Variants in GRID2 observed in about 807,000 individuals in gnomAD.
The protein encoded by GRID2 is glutamate receptor ionotropic, delta-2.
Under a neutral mutation model 114.8 loss-of-function variants are expected in GRID2, and 33 were observed. The ratio of observed to expected loss-of-function variants is 0.29; its 90% CI spans 0.22 to 0.38. The LOEUF (loss-of-function observed/expected upper bound fraction) is 0.38. Ranked by LOEUF, GRID2 falls within the 10% of genes least tolerant of loss-of-function variation. The probability of loss-of-function intolerance (pLI) is 1.00; values close to 1 mark genes in which losing one functional copy is unlikely to be tolerated. For synonymous variants in GRID2, 505 were observed against 449.9 expected, an observed-to-expected ratio of 1.12 and a Z score of -1.55; for missense variants, 1,184 against 1,257.7, an observed-to-expected ratio of 0.94 and a Z score of 0.89.
At chr4:92,695,742 T>A (rs1734397109) in intron 2 of GRID2, among the ~76,000 whole-genome samples, 1 of 152,164 alleles carries the variant, frequency 6.6e-6, no homozygotes, top group African/African-American at 2.4e-5. Context: ...TAGCTTACTT[T>A]TCTTTCACGT....
At chr4:92,455,602 A>G (rs1721174542) in intron 1 of GRID2, among the ~76,000 whole-genome samples, 1 of 152,056 alleles carries the variant, frequency 6.6e-6, no homozygotes, top group Non-Finnish European at 1.5e-5. Flanking sequence ...AGAAACATGG[A>G]AGAATGCTCT....
intron 2 of GRID2, among the ~76,000 whole-genome samples, chr4:93,063,422 C>T (rs1008353240): frequency 2.6e-5 from 4 of 151,824 alleles, no homozygotes; most frequent in African/African-American, 4.8e-5. Context: ...AGTATTTACT[C>T]AGGGCAGCAA....
chr4:92,335,561 G>A (rs1020456060), intron 1 of GRID2, among the ~76,000 whole-genome samples: 1 of 152,126 alleles, frequency 6.6e-6, no homozygotes, highest in Admixed American at 6.6e-5. Flanking sequence ...GAAATCACAG[G>A]TATCTTGTGT....
At position 93,590,238 on chromosome 4, in the gene GRID2, G is replaced by A. The variant is rs187543009; in HGVS notation, c.2194-36031G>A. 5.8e-3 allele frequency among the ~76,000 whole-genome samples: 874 copies of A among 150,680 alleles called. 18 individuals carry two copies. Among genetic ancestry groups the A allele is most frequent in the African/African-American group, 0.019 (790 of 41,198 alleles). On this transcript the variant is annotated intron_variant, in intron 13 of 15. Coordinates refer to ENST00000282020, the MANE Select transcript of GRID2 (RefSeq NM_001510.4). ...TCTTGAACTGATTTTTGTATAAGGC[G>A]TAAGGAAGGGATCCAGTTTCAGCTT...
chr4:93,294,660 A>G (rs994036172), intron 8 of GRID2, among the ~76,000 whole-genome samples: 4 of 151,988 alleles, frequency 2.6e-5, no homozygotes, highest in African/African-American at 9.7e-5. Context: ...TCAGGTTCAA[A>G]CAATTCTCCT....
intron 1 of GRID2, among the ~76,000 whole-genome samples, chr4:92,308,826 G>A (rs1245079246): frequency 7.9e-5 from 12 of 151,668 alleles, no homozygotes; most frequent in Admixed American, 7.9e-4. Context: ...TGTGTAAGAT[G>A]TCTCAATGAT....
At chr4:92,539,224 A>G (rs1725805369) in intron 1 of GRID2, among the ~76,000 whole-genome samples, 1 of 152,138 alleles carries the variant, frequency 6.6e-6, no homozygotes, top group African/African-American at 2.4e-5. Context: ...TTGCAGTTCA[A>G]TATAGTGTGT....
intron 2 of GRID2, among the ~76,000 whole-genome samples, chr4:92,732,479 T>A (rs1039898731): frequency 8.5e-5 from 13 of 152,064 alleles, no homozygotes; most frequent in African/African-American, 2.4e-4. Context: ...GCACTTGTCA[T>A]GAAAACAAAG....
intron 1 of GRID2, among the ~76,000 whole-genome samples, chr4:92,333,120 G>A (rs1238666669): frequency 6.6e-6 from 1 of 152,224 alleles, no homozygotes; most frequent in Non-Finnish European, 1.5e-5. Flanking sequence ...GGTCTCCCAG[G>A]CTGTCTGAGA....
chr4:93,086,585 T>C (rs1327218287), intron 3 of GRID2, among the ~76,000 whole-genome samples: 2 of 152,152 alleles, frequency 1.3e-5, no homozygotes, highest in African/African-American at 4.8e-5. Flanking sequence ...TCAGCCAAAG[T>C]CTGTGGCACT....
chr4:92,473,774 C>G (rs1244365661), intron 1 of GRID2, among the ~76,000 whole-genome samples: 1 of 151,736 alleles, frequency 6.6e-6, no homozygotes, highest in African/African-American at 2.4e-5. Context: ...GTTGAAATAT[C>G]CTTCTATAAT....
Position 92,596,697 on chromosome 4 carries a change from A to G in GRID2, c.244+6411A>G, listed in dbSNP as rs145862344. 6.5e-3 allele frequency among the ~76,000 whole-genome samples: 953 copies of G among 145,652 alleles called. 10 individuals carry two copies. The highest frequency in any genetic ancestry group is 0.021 in the African/African-American group (826 of 39,692). On this transcript the variant is annotated intron_variant, in intron 2 of 15. Coordinates refer to ENST00000282020, the MANE Select transcript of GRID2 (RefSeq NM_001510.4). ...AGAGACAACACCAATATGCATTAAG[A>G]AAAAAAAAAACAGCTCACACAAACC...
At chr4:92,665,303 C>A (rs1228356321) in intron 2 of GRID2, among the ~76,000 whole-genome samples, 19 of 138,618 alleles carry the variant, frequency 1.4e-4, no homozygotes, top group African/African-American at 4.7e-4. Flanking sequence ...AAAAAAAAAA[C>A]CTCTGCTCCT....
At chr4:93,024,862 A>G (rs1723740579) in intron 2 of GRID2, among the ~76,000 whole-genome samples, 1 of 151,758 alleles carries the variant, frequency 6.6e-6, no homozygotes, top group African/African-American at 2.4e-5. Flanking sequence ...GTGGAGATTA[A>G]ATAACCTATA....
chr4:93,737,307 TGAGA>T (rs746970303), intron 14 of GRID2, among the ~76,000 whole-genome samples: 28 of 152,182 alleles, frequency 1.8e-4, no homozygotes, highest in African/African-American at 6.7e-4. Context: ...TGAACATCTT[TGAGA>T]GAGAGAAAGA....
At chr4:93,601,634 A>G (rs749730674) in intron 13 of GRID2, among the ~76,000 whole-genome samples, 4 of 152,200 alleles carry the variant, frequency 2.6e-5, no homozygotes, top group Non-Finnish European at 5.9e-5. Flanking sequence ...AGCTTCTAAA[A>G]TATTACTTGT....
chr4:93,131,300 C>G (rs1006247224), intron 4 of GRID2, among the ~76,000 whole-genome samples: 2 of 151,386 alleles, frequency 1.3e-5, no homozygotes, highest in African/African-American at 4.9e-5. Context: ...ACTACAGGCA[C>G]TCGCTTCCAT....
chr4:92,588,416 C>T (rs1728552809), intron 1 of GRID2, among the ~76,000 whole-genome samples: 1 of 152,030 alleles, frequency 6.6e-6, no homozygotes, highest in Admixed American at 6.6e-5. Flanking sequence ...GTGGCTCACG[C>T]CTGTAATGCC....
chr4:92,851,283 A>G (rs1475989438), intron 2 of GRID2, among the ~76,000 whole-genome samples: 1 of 151,898 alleles, frequency 6.6e-6, no homozygotes, highest in Non-Finnish European at 1.5e-5. Flanking sequence ...TTTACTCTTG[A>G]TGGTAATAAG....
Sources: gnomAD v4.1 joint callset for allele counts (sites outside exome capture counted in the v4.1 genomes callset) on GRCh38, gnomAD v4.1.1 for gene constraint, MANE v1.5 for transcripts, NCBI Gene and HGNC (gene_info 2026-07-23, HGNC 2026-07-21) for gene names.